The following MCPH1 variants were observed in gnomAD, a reference collection of about 807,000 sequenced individuals.
MCPH1 encodes the protein microcephalin.
A neutral mutation model predicts 84.5 loss-of-function variants in MCPH1; 104 were observed. That is an observed-to-expected ratio of 1.23 (90% CI 1.05 to 1.45). MCPH1 has a LOEUF of 1.45. MCPH1 is among the 40% of genes most tolerant of loss of function. The pLI, the probability that MCPH1 is intolerant of heterozygous loss-of-function variation, is 0.00. For synonymous variants in MCPH1, 514 were observed against 366.8 expected, an observed-to-expected ratio of 1.40 and a Z score of -4.58; for missense variants, 1,498 against 1,005.7, an observed-to-expected ratio of 1.49 and a Z score of -6.62.
intron 3 of MCPH1, among the ~76,000 whole-genome samples, chr8:6,429,059 A>G (rs1239988033): frequency 6.6e-6 from 1 of 152,208 alleles, no homozygotes; most frequent in Non-Finnish European, 1.5e-5. Context: ...TGCTGTTTGC[A>G]TGGACACATT....
intron 9 of MCPH1, among the ~76,000 whole-genome samples, chr8:6,458,421 G>A (rs1387591882): frequency 6.7e-6 from 1 of 149,332 alleles, no homozygotes; most frequent in African/African-American, 2.5e-5. Flanking sequence ...GCAGTGAGCT[G>A]AGATCGTGCC....
At chr8:6,627,671 G>C (rs912813478) in intron 13 of MCPH1, among the ~76,000 whole-genome samples, 20 of 151,908 alleles carry the variant, frequency 1.3e-4, no homozygotes, top group African/African-American at 4.4e-4. Flanking sequence ...CGGGTGGGTC[G>C]TTTGAGCCCA....
chr8:6,422,954 C>T (rs906751338), intron 3 of MCPH1, among the ~76,000 whole-genome samples: 1 of 151,424 alleles, frequency 6.6e-6, no homozygotes, highest in East Asian at 2.0e-4. Context: ...TCCCAAAGTG[C>T]TAGGATTACA....
chr8:6,496,977 C>A (rs1811311479), intron 11 of MCPH1, among the ~76,000 whole-genome samples: 1 of 151,918 alleles, frequency 6.6e-6, no homozygotes, highest in African/African-American at 2.4e-5. Flanking sequence ...AATTGAGTAC[C>A]TTGTTCAGTG....
At chr8:6,513,286 G>A (rs574162734) in intron 12 of MCPH1, among the ~76,000 whole-genome samples, 1 of 151,336 alleles carries the variant, frequency 6.6e-6, no homozygotes, top group Non-Finnish European at 1.5e-5. Flanking sequence ...CTCATTTTCT[G>A]GAATAGTCAC....
chr8:6,500,179 C>G (rs974374143), intron 12 of MCPH1: 12 of 484,810 alleles, frequency 2.5e-5, no homozygotes, highest in Non-Finnish European at 4.1e-5. Flanking sequence ...ATCCTCAGAA[C>G]TGAGAAAAAC....
chr8:6,626,269 G>T lies in MCPH1; in HGVS notation c.2452+4578G>T, dbSNP rs965044379. 14 of 985,204 alleles carry T rather than the reference G, an allele frequency of 1.4e-5. No homozygotes were observed. The South Asian group carries it at 6.6e-4, about 46-fold the overall frequency. 61.0% of individuals were successfully genotyped at this position (985,204 alleles called of 1,614,324 possible). On this transcript the variant is annotated intron_variant, in intron 13 of 13. Coordinates refer to ENST00000344683, the MANE Select transcript of MCPH1 (RefSeq NM_024596.5). ...ACAGGGCTCAGTATACAAAATGTAAGCCACGCCTCACTCACTTGCTCCCTG... is the reference window on the plus strand; with the variant it reads ...ACAGGGCTCAGTATACAAAATGTAATCCACGCCTCACTCACTTGCTCCCTG...
intron 6 of MCPH1, among the ~76,000 whole-genome samples, chr8:6,440,097 T>C (rs1375715331): frequency 1.3e-5 from 2 of 152,254 alleles, no homozygotes; most frequent in African/African-American, 2.4e-5. Context: ...AGCTTAGTTG[T>C]TGTAGACCTA....
intron 12 of MCPH1, chr8:6,620,911 C>A: frequency 5.9e-6 from 1 of 170,802 alleles, no homozygotes; most frequent in Admixed American, 5.5e-5. Context: ...TCGGGAATGG[C>A]TCTAGGAATT....
At chr8:6,427,392 G>C (rs940659761) in intron 3 of MCPH1, among the ~76,000 whole-genome samples, 16 of 152,076 alleles carry the variant, frequency 1.1e-4, no homozygotes, top group Non-Finnish European at 2.4e-4. Context: ...TTTTTTTAAA[G>C]ACAAGGTCTT....
At chr8:6,462,965 G>T (rs1028772724) in intron 9 of MCPH1, among the ~76,000 whole-genome samples, 24 of 152,170 alleles carry the variant, frequency 1.6e-4, no homozygotes, top group African/African-American at 4.6e-4. Context: ...CACTCCCAGA[G>T]ACCACCATGT....
intron 12 of MCPH1, among the ~76,000 whole-genome samples, chr8:6,569,478 G>A (rs1279221968): frequency 6.6e-6 from 1 of 152,222 alleles, no homozygotes; most frequent in African/African-American, 2.4e-5. Context: ...AGGAAGGACA[G>A]TTCCAGCCAT....
rs150879047 is a variant in MCPH1 at position 6,499,066 on chromosome 8, TTAAA to T, written c.2137-753_2137-750del. Among the ~76,000 whole-genome samples, 1,197 of 148,168 alleles carry T rather than the reference TTAAA, an allele frequency of 8.1e-3. 19 individuals are homozygous for T. Among genetic ancestry groups the T allele is most frequent in the African/African-American group, 0.026 (1,040 of 40,352 alleles). ...GAGTTTGTCTCAAAAAATAAATAAA[TTAAA>T]TAAATAAATAAATAAATAAATAAAT... On this transcript the variant is annotated intron_variant, in intron 11 of 13. Coordinates refer to ENST00000344683, the MANE Select transcript of MCPH1 (RefSeq NM_024596.5).
At chr8:6,490,489 G>T (rs1247359593) in intron 11 of MCPH1, among the ~76,000 whole-genome samples, 20 of 152,136 alleles carry the variant, frequency 1.3e-4, no homozygotes, top group Admixed American at 9.8e-4. Context: ...CTTACAGTCT[G>T]TGTGTAAGCA....
intron 12 of MCPH1, among the ~76,000 whole-genome samples, chr8:6,612,726 C>T (rs765263238): frequency 6.6e-6 from 1 of 152,328 alleles, no homozygotes; most frequent in African/African-American, 2.4e-5. Context: ...CCTGCTTTTG[C>T]TATCTGCACT....
chr8:6,584,408 G>A (rs1228321042), intron 12 of MCPH1, among the ~76,000 whole-genome samples: 1 of 152,170 alleles, frequency 6.6e-6, no homozygotes. Flanking sequence ...TTTAAAAGGA[G>A]ACACAGCAGA....
chr8:6,605,655 T>G (rs1484777928), intron 12 of MCPH1, among the ~76,000 whole-genome samples: 2 of 152,144 alleles, frequency 1.3e-5, no homozygotes, highest in Non-Finnish European at 2.9e-5. Context: ...TGCCAAGAGA[T>G]CAAGTTTTGT....
rs149555402 is a variant in MCPH1 at position 6,519,867 on chromosome 8, G to A, written c.2214+19938G>A. On this transcript the variant is annotated intron_variant, in intron 12 of 13. Coordinates refer to ENST00000344683, the MANE Select transcript of MCPH1 (RefSeq NM_024596.5). Reference sequence around the variant, plus strand: ...TAAGGGGAGACGAATACCTCACCTTGATCTCTTCTGTAGAATTAGGGAATG... The same window carrying A: ...TAAGGGGAGACGAATACCTCACCTTAATCTCTTCTGTAGAATTAGGGAATG... The A allele has an allele frequency of 1.5e-5, 25 of 1,613,834 alleles. No homozygotes were observed. The African/African-American group carries it at 2.9e-4, about 19-fold the overall frequency.
intron 13 of MCPH1, among the ~76,000 whole-genome samples, chr8:6,622,869 C>G (rs1220502270): frequency 1.3e-5 from 2 of 152,128 alleles, no homozygotes; most frequent in Non-Finnish European, 2.9e-5. Context: ...GAAACAGTGT[C>G]TCGCTCTGTC....
Sources: allele counts gnomAD v4.1 joint callset (sites outside exome capture counted in the v4.1 genomes callset), GRCh38; gene constraint gnomAD v4.1.1; transcripts MANE v1.5; gene names NCBI Gene and HGNC (gene_info 2026-07-23, HGNC 2026-07-21).